TRHDE: variants seen among roughly 807,000 people sequenced by gnomAD.
TRHDE encodes the protein thyrotropin-releasing hormone-degrading ectoenzyme.
A neutral mutation model predicts 125.7 loss-of-function variants in TRHDE; 72 were observed. The observed-to-expected ratio is 0.57, with a 90% CI of 0.47 to 0.70. The LOEUF is 0.70. Among genes scored for constraint, TRHDE ranks in the 30% least tolerant of loss-of-function variants. The pLI, the probability that TRHDE is intolerant of heterozygous loss-of-function variation, is 0.00. For synonymous variants in TRHDE, 509 were observed against 509.1 expected, an observed-to-expected ratio of 1.00 and a Z score of 0.00; for missense variants, 1,110 against 1,327.1, an observed-to-expected ratio of 0.84 and a Z score of 2.54.
At chr12:72,120,092 C>G (rs1449676906) in intron 2 of TRHDE, among the ~76,000 whole-genome samples, 1 of 150,876 alleles carries the variant, frequency 6.6e-6, no homozygotes, top group Admixed American at 6.6e-5. Context: ...CTTGCTCTGT[C>G]ACCAGGCTGG....
chr12:72,618,819 C>G (rs112881013), intron 12 of TRHDE, 72 bp from the exon 13 acceptor site: 1 of 1,307,860 alleles, frequency 7.6e-7, no homozygotes, highest in Non-Finnish European at 1.0e-6. Context: ...TTTGCTTTTC[C>G]GTCTTTTATT....
At chr12:72,222,513 T>C (rs551438526) in intron 2 of TRHDE, among the ~76,000 whole-genome samples, 2 of 101,696 alleles carry the variant, frequency 2.0e-5, no homozygotes, top group African/African-American at 7.4e-5. Flanking sequence ...ATCCTTTGGC[T>C]GGGTTTCTGA....
intron 12 of TRHDE, 63 bp from the exon 13 acceptor site, chr12:72,618,828 T>C: frequency 7.3e-7 from 1 of 1,361,106 alleles, no homozygotes; most frequent in Non-Finnish European, 9.7e-7. Flanking sequence ...CCGTCTTTTA[T>C]TTGCGTAAGT....
chr12:72,155,157 C>T (rs903082859), intron 2 of TRHDE, among the ~76,000 whole-genome samples: 1 of 152,188 alleles, frequency 6.6e-6, no homozygotes, highest in African/African-American at 2.4e-5. Context: ...TCTTCCATCA[C>T]TGATACCCTT....
chr12:72,362,707 T>G (rs1221085491), intron 2 of TRHDE, among the ~76,000 whole-genome samples: 1 of 152,036 alleles, frequency 6.6e-6, no homozygotes, highest in Non-Finnish European at 1.5e-5. Flanking sequence ...GTCTAACGTT[T>G]AAGTCTGTAA....
intron 5 of TRHDE, among the ~76,000 whole-genome samples, chr12:72,483,038 G>T (rs1877244454): frequency 1.3e-5 from 2 of 151,696 alleles, no homozygotes; most frequent in South Asian, 2.1e-4. Flanking sequence ...GGCATATTTG[G>T]GCTCTTCACT....
chr12:72,373,536 A>T (rs1217988415), intron 2 of TRHDE, among the ~76,000 whole-genome samples: 4 of 152,180 alleles, frequency 2.6e-5, no homozygotes, highest in Non-Finnish European at 5.9e-5. Flanking sequence ...TGCATTCTGA[A>T]AAAATGGTAG....
intron 2 of TRHDE, among the ~76,000 whole-genome samples, chr12:72,108,711 G>A (rs575638809): frequency 6.6e-6 from 1 of 152,120 alleles, no homozygotes; most frequent in Admixed American, 6.5e-5. Context: ...ATGGTAATTA[G>A]CATTTTCGCC....
At position 72,241,814 on chromosome 12, in the gene TRHDE, T is replaced by C. The variant is rs1878487423; in HGVS notation, n.279+136062T>C. Among the ~76,000 whole-genome samples, 4 of 152,204 alleles carry C rather than the reference T, an allele frequency of 2.6e-5. No homozygotes were observed. In the South Asian group the frequency reaches 8.3e-4, roughly 31 times the overall value. On this transcript the variant is annotated intron_variant and non_coding_transcript_variant, in intron 2 of 4. Coordinates refer to the TRHDE transcript ENST00000548156. ...GAATGTTCACCTGCTTATGGTATCA[T>C]CATCAGTCTTTTCGTTAGGTTTTTT... is the stretch of plus-strand genomic sequence containing the variant.
intron 2 of TRHDE, among the ~76,000 whole-genome samples, chr12:72,151,552 C>A (rs1876365780): frequency 6.6e-6 from 1 of 151,292 alleles, no homozygotes; most frequent in African/African-American, 2.4e-5. Flanking sequence ...GTCTTTAATC[C>A]ATCTTGAATT....
intron 2 of TRHDE, among the ~76,000 whole-genome samples, chr12:72,260,533 G>A (rs942452855): frequency 3.3e-5 from 5 of 152,104 alleles, no homozygotes; most frequent in African/African-American, 1.2e-4. Flanking sequence ...CAAATTTAAT[G>A]CCCAGTCTTG....
chr12:72,592,304 A>G (rs938305213), intron 12 of TRHDE, among the ~76,000 whole-genome samples: 1 of 151,982 alleles, frequency 6.6e-6, no homozygotes, highest in Non-Finnish European at 1.5e-5. Flanking sequence ...TTATTTTTAT[A>G]TGTTTCTATA....
intron 12 of TRHDE, among the ~76,000 whole-genome samples, chr12:72,616,477 GAT>G (rs1565811371): frequency 6.6e-6 from 1 of 152,050 alleles, no homozygotes; most frequent in Non-Finnish European, 1.5e-5. Context: ...GGGCTGGAGA[GAT>G]AAATTATTTG....
At chr12:72,478,610 C>G (rs893180405) in intron 5 of TRHDE, among the ~76,000 whole-genome samples, 3 of 152,086 alleles carry the variant, frequency 2.0e-5, no homozygotes, top group African/African-American at 7.2e-5. Flanking sequence ...CTGGCATTTG[C>G]AGTTAGAGAA....
chr12:72,437,226 A>G (rs1215552996), intron 3 of TRHDE, among the ~76,000 whole-genome samples: 1 of 151,860 alleles, frequency 6.6e-6, no homozygotes, highest in African/African-American at 2.4e-5. Context: ...TAATAGGAGT[A>G]AAGCACTTCA....
chr12:72,163,860 C>G (rs986640497), intron 2 of TRHDE, among the ~76,000 whole-genome samples: 3 of 152,102 alleles, frequency 2.0e-5, no homozygotes, highest in Admixed American at 6.6e-5. Flanking sequence ...CCCTGTAATC[C>G]CAGCACTTTG....
chr12:72,099,685 T>C (rs956085893), intron 1 of TRHDE, among the ~76,000 whole-genome samples: 1 of 152,214 alleles, frequency 6.6e-6, no homozygotes, highest in Non-Finnish European at 1.5e-5. Flanking sequence ...GACTCTGTTT[T>C]TTAGGTTAAT....
intron 5 of TRHDE, among the ~76,000 whole-genome samples, chr12:72,491,414 C>G (rs1877678350): frequency 6.6e-6 from 1 of 151,882 alleles, no homozygotes; most frequent in Non-Finnish European, 1.5e-5. Context: ...TTGATAACTT[C>G]TGCTGTATCA....
At chr12:72,512,504 T>C (rs1878636353) in intron 6 of TRHDE, among the ~76,000 whole-genome samples, 1 of 138,724 alleles carries the variant, frequency 7.2e-6, no homozygotes, top group Admixed American at 7.7e-5. Context: ...TATTATATAG[T>C]TATAATTATA....
Sources: gnomAD v4.1 joint callset for allele counts (sites outside exome capture counted in the v4.1 genomes callset) on GRCh38, gnomAD v4.1.1 for gene constraint, MANE v1.5 for transcripts, NCBI Gene and HGNC (gene_info 2026-07-23, HGNC 2026-07-21) for gene names.